The following C1orf21 variants were observed in gnomAD, a reference collection of about 807,000 sequenced individuals.
C1orf21 encodes the protein uncharacterized protein C1orf21.
C1orf21 carries 3 observed loss-of-function variants against 18.7 expected under a neutral mutation model. The observed-to-expected ratio is 0.16, with a 90% confidence interval of 0.07 to 0.42. The LOEUF is 0.42. Ranked by LOEUF, C1orf21 falls within the 10% of genes least tolerant of loss-of-function variation. The pLI is 0.99. For missense variants in C1orf21, 104 were observed against 143.6 expected (o/e 0.72, Z 1.41); for synonymous variants, 41 against 46.4 (o/e 0.88, Z 0.47).
chr1:184,521,597 A>G (rs1658307173), intron 3 of C1orf21, among the ~76,000 whole-genome samples: 1 of 152,224 alleles, frequency 6.6e-6, no homozygotes, highest in Non-Finnish European at 1.5e-5. Flanking sequence ...AGATTTGTAC[A>G]AAAAAGAAGG....
intron 5 of C1orf21, among the ~76,000 whole-genome samples, chr1:184,615,725 G>T (rs1367603012): frequency 6.6e-6 from 1 of 152,164 alleles, no homozygotes; most frequent in African/African-American, 2.4e-5. Flanking sequence ...TGCAGATGGG[G>T]TCCCCTGTGA....
intron 3 of C1orf21, among the ~76,000 whole-genome samples, chr1:184,564,757 C>A (rs1416960463): frequency 6.6e-6 from 1 of 152,158 alleles, no homozygotes; most frequent in African/African-American, 2.4e-5. Flanking sequence ...TCAGGAATTG[C>A]TAGCACTAGG....
intron 3 of C1orf21, among the ~76,000 whole-genome samples, chr1:184,553,220 G>C (rs1282058116): frequency 6.6e-6 from 1 of 152,080 alleles, no homozygotes; most frequent in Non-Finnish European, 1.5e-5. Flanking sequence ...TTCTAACACT[G>C]TTTATTCGTA....
chr1:184,431,619 G>A lies in C1orf21; in HGVS notation c.-125+44251G>A, dbSNP rs183901233. Among the ~76,000 whole-genome samples, 122 of 152,184 alleles carry A rather than the reference G, an allele frequency of 8.0e-4. 1 individual carries two copies. Among genetic ancestry groups the A allele is most frequent in the African/African-American group, 2.6e-3 (108 of 41,528 alleles). ...GCAACAAAAGCCAAAATTGACAAAC[G>A]GGATCTAATTAAACTAAAGAGCTTC... is the stretch of plus-strand genomic sequence containing the variant. On this transcript the variant is annotated intron_variant, in intron 1 of 5. Transcript: ENST00000235307.
chr1:184,406,319 C>G (rs150341502), intron 1 of C1orf21, among the ~76,000 whole-genome samples: 1 of 152,226 alleles, frequency 6.6e-6, no homozygotes, highest in African/African-American at 2.4e-5. Flanking sequence ...TGCTGGGGCT[C>G]TTCTTTGGAT....
intron 1 of C1orf21, among the ~76,000 whole-genome samples, chr1:184,395,914 T>G (rs1193552298): frequency 6.6e-6 from 1 of 152,180 alleles, no homozygotes; most frequent in African/African-American, 2.4e-5. Context: ...CCAAAAATAC[T>G]GGGGACTAAC....
At position 184,598,481 on chromosome 1, in the gene C1orf21, A is replaced by G; in HGVS notation, c.327+20A>G. The G allele has an allele frequency of 6.2e-7, 1 of 1,600,526 alleles. No individual in the cohort carries two copies. Reference sequence around the variant, plus strand: ...GAAAAGGTAAGAAGTGAAATAAATAACCTACATGTTTCAAGGGAAGTATAG... The same window carrying G: ...GAAAAGGTAAGAAGTGAAATAAATAGCCTACATGTTTCAAGGGAAGTATAG... On this transcript the variant is annotated intron_variant, in intron 5 of 5. Coordinates refer to ENST00000235307, the MANE Select transcript of C1orf21 (RefSeq NM_030806.4).
In C1orf21 at chr1:184,624,560, G is replaced by A. The variant is rs960713147; in HGVS notation, c.*5004G>A. 14 of 152,222 alleles carry A rather than the reference G, an allele frequency of 9.2e-5. No individual in the cohort carries two copies. The highest frequency in any genetic ancestry group is 2.1e-4 in the South Asian group (1 of 4,820). The allele number at this position is 152,222 out of a possible 1,614,324, so 9.4% of individuals were successfully genotyped here. ...CCTTCATGGGGGTCTGGGACAATCC[G>A]ATCTCCAAGCATGGAGGAAAGGCAA... is the stretch of plus-strand genomic sequence containing the variant. On this transcript the variant is annotated 3_prime_UTR_variant, in exon 6 of 6. Transcript: ENST00000235307.
intron 1 of C1orf21, among the ~76,000 whole-genome samples, chr1:184,419,928 A>G (rs1656519543): frequency 6.6e-6 from 1 of 152,142 alleles, no homozygotes. Context: ...ACTCAGAGGG[A>G]AGGTGAAGGG....
chr1:184,391,414 A>G (rs1655968855), intron 1 of C1orf21, among the ~76,000 whole-genome samples: 1 of 152,194 alleles, frequency 6.6e-6, no homozygotes, highest in Non-Finnish European at 1.5e-5. Context: ...AGCTACTGGA[A>G]GGCTAGGCCC....
Position 184,575,611 on chromosome 1 carries a change from T to TAA in C1orf21, c.190-15109_190-15108dup, listed in dbSNP as rs59167087. Among the ~76,000 whole-genome samples, 176 of 83,458 alleles carry TAA rather than the reference T, an allele frequency of 2.1e-3. 2 individuals carry two copies. The highest frequency in any genetic ancestry group is 7.1e-3 in the African/African-American group (164 of 23,224). The allele number at this position is 83,458 out of a possible 152,430, so 54.8% of individuals were successfully genotyped here. On this transcript the variant is annotated intron_variant, in intron 3 of 5. Coordinates refer to ENST00000235307, the MANE Select transcript of C1orf21 (RefSeq NM_030806.4). The stretch of plus-strand genomic sequence containing the variant: ...CCCTGTATGTGAAAACACAAAAAGG[T>TAA]AAAAAAAAAAAAAAAAAAAAGAAGA...
chr1:184,406,215 A>C (rs754322659), intron 1 of C1orf21, among the ~76,000 whole-genome samples: 5 of 152,224 alleles, frequency 3.3e-5, no homozygotes, highest in Non-Finnish European at 5.9e-5. Context: ...AACTCCTGTG[A>C]TTAGCAAGGG....
chr1:184,435,400 G>C (rs1330281888), intron 1 of C1orf21, among the ~76,000 whole-genome samples: 1 of 152,210 alleles, frequency 6.6e-6, no homozygotes, highest in Non-Finnish European at 1.5e-5. Context: ...CTGGAGTGCA[G>C]TGGCATAGTC....
intron 1 of C1orf21, among the ~76,000 whole-genome samples, chr1:184,428,077 G>T (rs1656669776): frequency 6.6e-6 from 1 of 152,180 alleles, no homozygotes; most frequent in South Asian, 2.1e-4. Context: ...ATAAAATGAG[G>T]ATGATAATAG....
chr1:184,397,516 G>T (rs951732604), intron 1 of C1orf21, among the ~76,000 whole-genome samples: 1 of 151,982 alleles, frequency 6.6e-6, no homozygotes, highest in Non-Finnish European at 1.5e-5. Context: ...AACCCAGGAG[G>T]CAGAGCTTGC....
At chr1:184,464,560 A>G (rs1010555594) in intron 1 of C1orf21, among the ~76,000 whole-genome samples, 6 of 152,222 alleles carry the variant, frequency 3.9e-5, no homozygotes, top group Non-Finnish European at 7.3e-5. Context: ...ATAGCAAGAG[A>G]GACAAATACA....
chr1:184,409,262 T>C (rs1352057855), intron 1 of C1orf21, among the ~76,000 whole-genome samples: 1 of 152,220 alleles, frequency 6.6e-6, no homozygotes, highest in Non-Finnish European at 1.5e-5. Context: ...TATTTGTCAG[T>C]GAGCAGGTCC....
At chr1:184,608,297 A>G (rs897648202) in intron 5 of C1orf21, among the ~76,000 whole-genome samples, 1 of 152,220 alleles carries the variant, frequency 6.6e-6, no homozygotes, top group African/African-American at 2.4e-5. Context: ...GTTTTTTGAC[A>G]AAGTGTCAAA....
intron 1 of C1orf21, among the ~76,000 whole-genome samples, chr1:184,418,680 C>T (rs1231569893): frequency 6.6e-6 from 1 of 152,178 alleles, no homozygotes; most frequent in Non-Finnish European, 1.5e-5. Context: ...TTTGTGGATT[C>T]ATTAATTTTG....
Sources: gnomAD v4.1 joint callset for allele counts (sites outside exome capture counted in the v4.1 genomes callset) on GRCh38, gnomAD v4.1.1 for gene constraint, MANE v1.5 for transcripts, NCBI Gene and HGNC (gene_info 2026-07-23, HGNC 2026-07-21) for gene names.